Variants in CSMD1 observed in about 807,000 individuals in gnomAD.
The protein encoded by CSMD1 is CUB and sushi domain-containing protein 1.
A neutral mutation model predicts 417.5 loss-of-function variants in CSMD1; 213 were observed. The observed-to-expected ratio is 0.51, with a 90% confidence interval of 0.46 to 0.57. The LOEUF (loss-of-function observed/expected upper bound fraction) is 0.57. CSMD1 is among the 20% of genes least tolerant of loss of function. The pLI is 0.00. For synonymous variants in CSMD1, 2,862 were observed against 1,736.8 expected, an observed-to-expected ratio of 1.65 and a Z score of -16.11; for missense variants, 6,923 against 4,529.7, an observed-to-expected ratio of 1.53 and a Z score of -15.17.
At chr8:3,722,837 G>C (rs1375241107) in intron 6 of CSMD1, among the ~76,000 whole-genome samples, 1 of 152,214 alleles carries the variant, frequency 6.6e-6, no homozygotes, top group Non-Finnish European at 1.5e-5. Flanking sequence ...AAATATGTTT[G>C]AGATTCCCCG....
At chr8:3,115,948 T>C (rs1816838306) in intron 42 of CSMD1, among the ~76,000 whole-genome samples, 1 of 152,188 alleles carries the variant, frequency 6.6e-6, no homozygotes, top group Non-Finnish European at 1.5e-5. Flanking sequence ...TGACCTGAAA[T>C]GATAAACCAC....
At chr8:3,610,736 T>A (rs1251381233) in intron 8 of CSMD1, among the ~76,000 whole-genome samples, 1 of 152,132 alleles carries the variant, frequency 6.6e-6, no homozygotes, top group Admixed American at 6.5e-5. Flanking sequence ...ATAATTTTTA[T>A]GCTCAGTAGA....
At chr8:3,213,108 T>G (rs1181049636) in intron 30 of CSMD1, among the ~76,000 whole-genome samples, 1 of 152,308 alleles carries the variant, frequency 6.6e-6, no homozygotes, top group East Asian at 1.9e-4. Flanking sequence ...ATTACAGGTG[T>G]GAGCCACGCG....
chr8:4,116,397 G>A (rs1010302387), intron 3 of CSMD1, among the ~76,000 whole-genome samples: 5 of 151,818 alleles, frequency 3.3e-5, no homozygotes, highest in Admixed American at 2.6e-4. Context: ...ACCACACCAT[G>A]AATGAACCCT....
At chr8:4,969,810 T>A (rs4875421) in intron 1 of CSMD1, among the ~76,000 whole-genome samples, 78,083 of 151,750 alleles carry the variant, frequency 0.51, 20,671 homozygotes, top group Middle Eastern at 0.63. Flanking sequence ...CCTAATTTAA[T>A]TGTTTTTCTC....
chr8:3,064,918 A>G (rs1812819412), intron 49 of CSMD1, among the ~76,000 whole-genome samples: 1 of 152,166 alleles, frequency 6.6e-6, no homozygotes, highest in South Asian at 2.1e-4. Flanking sequence ...CCCAGGGTAT[A>G]AGCAATGTGG....
intron 3 of CSMD1, among the ~76,000 whole-genome samples, chr8:4,159,183 T>G (rs1055988897): frequency 5.9e-5 from 9 of 152,306 alleles, no homozygotes; most frequent in African/African-American, 2.2e-4. Flanking sequence ...CCCAAAGTGC[T>G]GGGATTACAG....
chr8:3,723,024 G>C (rs1016182571), intron 6 of CSMD1, among the ~76,000 whole-genome samples: 1 of 152,196 alleles, frequency 6.6e-6, no homozygotes. Flanking sequence ...GGCCCTCTGA[G>C]CTGGGTCTAA....
chr8:3,282,151 G>A (rs1802787700), intron 26 of CSMD1, among the ~76,000 whole-genome samples: 1 of 152,092 alleles, frequency 6.6e-6, no homozygotes, highest in African/African-American at 2.4e-5. Flanking sequence ...ATATGAAGAT[G>A]GAATAATATA....
chr8:3,369,815 A>G (rs2116706733), intron 18 of CSMD1, among the ~76,000 whole-genome samples: 1 of 152,352 alleles, frequency 6.6e-6, no homozygotes, highest in South Asian at 2.1e-4. Context: ...GGAAAGTGGC[A>G]ACAATTAGGA....
At chr8:3,281,543 G>C (rs1436957605) in intron 26 of CSMD1, among the ~76,000 whole-genome samples, 1 of 152,176 alleles carries the variant, frequency 6.6e-6, no homozygotes, top group African/African-American at 2.4e-5. Context: ...AAGACCTGGA[G>C]CTTGAAAGTG....
intron 2 of CSMD1, among the ~76,000 whole-genome samples, chr8:4,612,063 G>C (rs749549382): frequency 2.0e-5 from 3 of 152,108 alleles, no homozygotes; most frequent in Admixed American, 6.6e-5. Flanking sequence ...GTGTCCCTAG[G>C]AGGTGAGGAT....
At chr8:3,935,125 T>C (rs1584993649) in intron 5 of CSMD1, among the ~76,000 whole-genome samples, 2 of 152,278 alleles carry the variant, frequency 1.3e-5, no homozygotes, top group South Asian at 2.1e-4. Flanking sequence ...ACATTTTCTC[T>C]GTATGTCAGA....
intron 2 of CSMD1, among the ~76,000 whole-genome samples, chr8:4,579,670 A>G (rs1799322592): frequency 6.6e-6 from 1 of 152,064 alleles, no homozygotes; most frequent in South Asian, 2.1e-4. Flanking sequence ...CCTTAAACCT[A>G]TATTTTAAGG....
intron 3 of CSMD1, among the ~76,000 whole-genome samples, chr8:4,351,993 CG>C (rs1801124799): frequency 6.9e-6 from 1 of 144,606 alleles, no homozygotes. Flanking sequence ...GCTTGAAACA[CG>C]GGTATGGAAT....
intron 38 of CSMD1, 94 bp from the exon 39 acceptor site, chr8:3,158,060 G>A: frequency 9.8e-7 from 1 of 1,025,202 alleles, no homozygotes. Context: ...TTCCTTTCTT[G>A]TTTTAATTAT....
At chr8:4,204,273 AAAAC>A (rs966542419) in intron 3 of CSMD1, among the ~76,000 whole-genome samples, 3 of 152,042 alleles carry the variant, frequency 2.0e-5, no homozygotes, top group African/African-American at 7.3e-5. Context: ...GGAAAAAAAA[AAAAC>A]CTCAATTTGG....
intron 12 of CSMD1, among the ~76,000 whole-genome samples, chr8:3,462,923 T>G (rs935528880): frequency 2.6e-5 from 4 of 152,108 alleles, no homozygotes; most frequent in African/African-American, 9.7e-5. Flanking sequence ...ATGATGAGGG[T>G]GGAGCCCCTG....
chr8:4,915,696 G>C (rs1047101917), intron 1 of CSMD1, among the ~76,000 whole-genome samples: 2 of 152,212 alleles, frequency 1.3e-5, no homozygotes, highest in South Asian at 2.1e-4. Flanking sequence ...GATTTCGGGA[G>C]AGGGTCACGC....
Sources: allele counts gnomAD v4.1 joint callset (sites outside exome capture counted in the v4.1 genomes callset), GRCh38; gene constraint gnomAD v4.1.1; transcripts MANE v1.5; gene names NCBI Gene and HGNC (gene_info 2026-07-23, HGNC 2026-07-21).